Variants in MYO16 observed in about 807,000 individuals in gnomAD.
The protein encoded by MYO16 is myosin XVI.
Under a neutral mutation model 205.3 loss-of-function variants are expected in MYO16, and 94 were observed. The observed-to-expected ratio is 0.46, with a 90% confidence interval of 0.39 to 0.54. MYO16 has a LOEUF of 0.54. MYO16 is among the 20% of genes least tolerant of loss of function. MYO16 has a pLI of 0.00. For missense variants in MYO16, 2,315 were observed against 2,387.5 expected (o/e 0.97, Z 0.63); for synonymous variants, 988 against 954.0 (o/e 1.04, Z -0.66).
At chr13:108,609,330 A>C (rs1879085203) in intron 1 of MYO16, among the ~76,000 whole-genome samples, 1 of 152,174 alleles carries the variant, frequency 6.6e-6, no homozygotes, top group African/African-American at 2.4e-5. Context: ...GAAAAAGGGA[A>C]GACAGTGGGA....
chr13:108,517,606 A>T, the MYO16 span, among the ~76,000 whole-genome samples: 1 of 152,214 alleles, frequency 6.6e-6, no homozygotes, highest in African/African-American at 2.4e-5. Context: ...ATTGAAATAC[A>T]ATGTCTAATA....
chr13:108,702,019 A>C (rs1213799930), intron 2 of MYO16, among the ~76,000 whole-genome samples: 1 of 87,774 alleles, frequency 1.1e-5, no homozygotes, highest in Non-Finnish European at 2.9e-5. Context: ...GGTAGAGAAG[A>C]AAAAAAAAAT....
chr13:109,173,940 G>T (rs1879039796), intron 33 of MYO16, among the ~76,000 whole-genome samples: 1 of 92,604 alleles, frequency 1.1e-5, no homozygotes, highest in Non-Finnish European at 2.0e-5. Flanking sequence ...GGTTGTCCTT[G>T]TTTTGATGGG....
intron 11 of MYO16, among the ~76,000 whole-genome samples, chr13:108,860,225 C>T (rs202166067): frequency 6.8e-6 from 1 of 146,038 alleles, no homozygotes; most frequent in East Asian, 3.0e-4. Flanking sequence ...TCATAAGTTC[C>T]TATCATTTAC....
chr13:109,071,400 G>A (rs530836820), intron 27 of MYO16, among the ~76,000 whole-genome samples: 22 of 152,214 alleles, frequency 1.4e-4, no homozygotes, highest in Admixed American at 3.3e-4. Context: ...TTAGCAGTGC[G>A]TATAGTGAGG....
intron 21 of MYO16, among the ~76,000 whole-genome samples, chr13:108,996,504 AT>A (rs1285569191): frequency 6.6e-6 from 1 of 152,202 alleles, no homozygotes; most frequent in African/African-American, 2.4e-5. Flanking sequence ...TGTGATAAAG[AT>A]ACTAAAAAAT....
At chr13:109,190,838 C>G (rs1243117349) in intron 34 of MYO16, among the ~76,000 whole-genome samples, 1 of 152,204 alleles carries the variant, frequency 6.6e-6, no homozygotes, top group African/African-American at 2.4e-5. Flanking sequence ...TTATATGCAT[C>G]CATGTATAAG....
chr13:108,715,035 A>C (rs896793582), intron 3 of MYO16, among the ~76,000 whole-genome samples: 2 of 152,096 alleles, frequency 1.3e-5, no homozygotes, highest in Non-Finnish European at 2.9e-5. Context: ...AAATGCTCCA[A>C]CAGCTTTCCT....
intron 1 of MYO16, among the ~76,000 whole-genome samples, chr13:108,643,394 A>G (rs1041177192): frequency 1.3e-5 from 2 of 152,190 alleles, no homozygotes; most frequent in African/African-American, 4.8e-5. Context: ...TTGTTGAACT[A>G]TTCACCTATT....
the MYO16 span, among the ~76,000 whole-genome samples, chr13:108,588,074 A>C: frequency 6.6e-6 from 1 of 152,212 alleles, no homozygotes; most frequent in Admixed American, 6.5e-5. Flanking sequence ...ACCATTTCTT[A>C]GGAATAACAC....
At chr13:109,174,837 C>T (rs1306274518) in intron 33 of MYO16, among the ~76,000 whole-genome samples, 6 of 150,636 alleles carry the variant, frequency 4.0e-5, no homozygotes, top group African/African-American at 9.8e-5. Flanking sequence ...CTGCAAACTC[C>T]GCCTCCCAGG....
intron 2 of MYO16, among the ~76,000 whole-genome samples, chr13:108,675,857 C>CT (rs1360697766): frequency 6.6e-6 from 1 of 152,184 alleles, no homozygotes; most frequent in African/African-American, 2.4e-5. Context: ...GGGGGTTGAT[C>CT]TGTACTCTGA....
intron 4 of MYO16, among the ~76,000 whole-genome samples, chr13:108,770,571 T>C (rs567258356): frequency 1.7e-4 from 26 of 152,310 alleles, no homozygotes; most frequent in African/African-American, 6.0e-4. Flanking sequence ...CTGCTTGCCT[T>C]TTCCAGTTCA....
chr13:108,777,968 A>C (rs1047866444), intron 4 of MYO16, among the ~76,000 whole-genome samples: 8 of 152,156 alleles, frequency 5.3e-5, no homozygotes, highest in Admixed American at 4.6e-4. Flanking sequence ...CTCGTTAATT[A>C]TTCATATCCA....
At chr13:109,107,466 T>C (rs1030477830) in intron 28 of MYO16, among the ~76,000 whole-genome samples, 1 of 152,146 alleles carries the variant, frequency 6.6e-6, no homozygotes, top group African/African-American at 2.4e-5. Context: ...ATTTCATTAA[T>C]CTGCAGTAGT....
intron 10 of MYO16, among the ~76,000 whole-genome samples, chr13:108,847,479 C>T (rs534437940): frequency 6.6e-6 from 1 of 152,106 alleles, no homozygotes; most frequent in Non-Finnish European, 1.5e-5. Flanking sequence ...TATATATTCA[C>T]ATTTCATAGG....
At chr13:108,988,800 C>T (rs182003511) in intron 20 of MYO16, among the ~76,000 whole-genome samples, 127 of 152,272 alleles carry the variant, frequency 8.3e-4, no homozygotes, top group African/African-American at 3.0e-3. Flanking sequence ...GGAGGGTAAT[C>T]GGACCTGAGA....
Position 109,063,358 on chromosome 13 carries a change from A to G in MYO16, c.3335+7763A>G, listed in dbSNP as rs186135893. On this transcript the variant is annotated intron_variant, in intron 27 of 34. Transcript: ENST00000457511. ...ATAAAGACTTAAGGACTCTGTCTTC[A>G]ATGGCAAGAGACTTCACTAGTTTGG... is the stretch of plus-strand genomic sequence containing the variant. Among the ~76,000 whole-genome samples the G allele has an allele frequency of 1.1e-3, 163 of 152,328 alleles. 1 individual carries two copies. Among genetic ancestry groups the G allele is most frequent in the African/African-American group, 3.8e-3 (158 of 41,574 alleles).
At chr13:108,939,273 C>T (rs1882620944) in intron 16 of MYO16, among the ~76,000 whole-genome samples, 1 of 152,170 alleles carries the variant, frequency 6.6e-6, no homozygotes, top group Non-Finnish European at 1.5e-5. Context: ...CAGGTAACTC[C>T]CCGAGTTAAC....
Sources: gnomAD v4.1 joint callset for allele counts (sites outside exome capture counted in the v4.1 genomes callset) on GRCh38, gnomAD v4.1.1 for gene constraint, MANE v1.5 for transcripts, NCBI Gene and HGNC (gene_info 2026-07-23, HGNC 2026-07-21) for gene names.